Variants in VWC2 observed in about 807,000 individuals in gnomAD.
VWC2 encodes brorin.
Under a neutral mutation model 29.8 loss-of-function variants are expected in VWC2, and 14 were observed. The ratio of observed to expected loss-of-function variants is 0.47; its 90% CI spans 0.31 to 0.74. The LOEUF is 0.74. VWC2 is among the 30% of genes least tolerant of loss of function. The probability of loss-of-function intolerance (pLI) is 0.05; values close to 1 mark genes in which losing one functional copy is unlikely to be tolerated. For synonymous variants in VWC2, 213 were observed against 199.0 expected, an observed-to-expected ratio of 1.07 and a Z score of -0.59; for missense variants, 457 against 459.8, an observed-to-expected ratio of 0.99 and a Z score of 0.05.
At chr7:49,808,126 G>C (rs1788919638) in intron 3 of VWC2, among the ~76,000 whole-genome samples, 1 of 152,022 alleles carries the variant, frequency 6.6e-6, no homozygotes. Context: ...TAGAAAAAAA[G>C]AACTTCCTGT....
chr7:49,788,538 AGTGTAT>A (rs1361165426), intron 2 of VWC2, among the ~76,000 whole-genome samples: 4 of 139,500 alleles, frequency 2.9e-5, no homozygotes, highest in East Asian at 2.2e-4. Context: ...AGACAGTGTG[AGTGTAT>A]GTGTAAGTGT....
intron 3 of VWC2, among the ~76,000 whole-genome samples, chr7:49,861,084 C>G (rs771792004): frequency 6.6e-6 from 1 of 152,230 alleles, no homozygotes; most frequent in African/African-American, 2.4e-5. Flanking sequence ...GGTGTCTGCA[C>G]AGTTTTACAT....
Position 49,812,455 on chromosome 7 carries a change from G to T in VWC2, c.826+9615G>T, listed in dbSNP as rs138565056. Among the ~76,000 whole-genome samples the T allele has an allele frequency of 1.8e-3, 277 of 152,180 alleles. 2 individuals are homozygous for T. The highest frequency in any genetic ancestry group is 4.4e-3 in the African/African-American group (184 of 41,530). ...CCCAGAGACTGACTTTTCTAATCCT[G>T]GTCTGATGTCTTTAATAGCTTTATG... On this transcript the variant is annotated intron_variant, in intron 3 of 3. Transcript: ENST00000340652.
intron 3 of VWC2, among the ~76,000 whole-genome samples, chr7:49,813,520 A>G (rs1451255795): frequency 6.6e-6 from 1 of 152,150 alleles, no homozygotes; most frequent in Non-Finnish European, 1.5e-5. Flanking sequence ...TCACTTGTTC[A>G]TATTATTCTT....
chr7:49,867,409 A>C (rs1790943071), intron 3 of VWC2, among the ~76,000 whole-genome samples: 2 of 152,202 alleles, frequency 1.3e-5, no homozygotes, highest in Admixed American at 1.3e-4. Flanking sequence ...TGGAGGACGA[A>C]GTAAGGGAAG....
At chr7:49,885,802 C>A (rs921361347) in intron 3 of VWC2, among the ~76,000 whole-genome samples, 2 of 152,258 alleles carry the variant, frequency 1.3e-5, no homozygotes, top group African/African-American at 4.8e-5. Flanking sequence ...CCACTAGCAC[C>A]GGGGACGCAG....
chr7:49,853,283 T>C (rs1263259974), intron 3 of VWC2, among the ~76,000 whole-genome samples: 1 of 152,224 alleles, frequency 6.6e-6, no homozygotes, highest in Non-Finnish European at 1.5e-5. Flanking sequence ...TAGTCTCCCT[T>C]AGGAACCTGT....
chr7:49,825,456 T>C lies in VWC2; in HGVS notation c.826+22616T>C, dbSNP rs542405819. On this transcript the variant is annotated intron_variant, in intron 3 of 3. Transcript: ENST00000340652. ...TTTCTTCTGAGGATTGATGGTTTTC[T>C]GCTCCTGCCTGGAATCACAGTGTGG... Among the ~76,000 whole-genome samples, 31 of 152,364 alleles carry C rather than the reference T, an allele frequency of 2.0e-4. 1 individual carries two copies. In the South Asian group the frequency reaches 6.4e-3, roughly 32 times the overall value.
At chr7:49,868,973 T>C (rs1394734625) in intron 3 of VWC2, among the ~76,000 whole-genome samples, 1 of 152,230 alleles carries the variant, frequency 6.6e-6, no homozygotes, top group Admixed American at 6.5e-5. Flanking sequence ...GTCAAATATA[T>C]GTACAATTTT....
chr7:49,797,251 C>A (rs749028695), intron 2 of VWC2, among the ~76,000 whole-genome samples: 46 of 152,184 alleles, frequency 3.0e-4, no homozygotes, highest in Admixed American at 2.8e-3. Context: ...TTAGCTCGTA[C>A]TTTCTTTCTT....
At chr7:49,878,142 T>A (rs1181772808) in intron 3 of VWC2, among the ~76,000 whole-genome samples, 1 of 152,096 alleles carries the variant, frequency 6.6e-6, no homozygotes, top group East Asian at 1.9e-4. Flanking sequence ...ACCCACAGCC[T>A]GGGCCACACT....
At chr7:49,874,092 G>A (rs978319223) in intron 3 of VWC2, among the ~76,000 whole-genome samples, 6 of 151,978 alleles carry the variant, frequency 3.9e-5, no homozygotes, top group Non-Finnish European at 8.8e-5. Context: ...GAGTAAGGAC[G>A]GGACTGGAGT....
At chr7:49,842,893 T>C (rs1378315156) in intron 3 of VWC2, among the ~76,000 whole-genome samples, 1 of 152,172 alleles carries the variant, frequency 6.6e-6, no homozygotes, top group African/African-American at 2.4e-5. Flanking sequence ...CCGTTTCTGT[T>C]TTTTTTCCAA....
At chr7:49,805,808 C>G (rs1016787803) in intron 3 of VWC2, among the ~76,000 whole-genome samples, 2 of 152,150 alleles carry the variant, frequency 1.3e-5, no homozygotes, top group South Asian at 4.1e-4. Context: ...GGTTTTAACT[C>G]TTGATCTCCG....
At chr7:49,910,453 G>A (rs1793347652) in intron 3 of VWC2, among the ~76,000 whole-genome samples, 1 of 152,146 alleles carries the variant, frequency 6.6e-6, no homozygotes, top group Admixed American at 6.5e-5. Context: ...TGAGAATTTT[G>A]CAAACTGTTG....
rs796078228 is a variant in VWC2, at chr7:49,796,002, G to T, written c.697-6709G>T. Among the ~76,000 whole-genome samples, 104 of 152,254 alleles carry T rather than the reference G, an allele frequency of 6.8e-4. 1 individual carries two copies. Among genetic ancestry groups the T allele is most frequent in the African/African-American group, 2.3e-3 (97 of 41,560 alleles). On this transcript the variant is annotated intron_variant, in intron 2 of 3. Transcript: ENST00000340652. ...AGGGATTGGTAGAGGCAGATAGGGGGTAGGGGCCCCTATCTGGGAAGGGGG... is the reference window on the plus strand; with the variant it reads ...AGGGATTGGTAGAGGCAGATAGGGGTTAGGGGCCCCTATCTGGGAAGGGGG...
chr7:49,876,208 C>T (rs1461412014), intron 3 of VWC2, among the ~76,000 whole-genome samples: 2 of 152,106 alleles, frequency 1.3e-5, no homozygotes, highest in Non-Finnish European at 2.9e-5. Context: ...GGGTAAATCA[C>T]GTCCAGATAG....
At position 49,915,140 on chromosome 7, in the gene VWC2, G is replaced by A. The variant is rs566698440; in HGVS notation, c.*2955G>A. On this transcript the variant is annotated 3_prime_UTR_variant, in exon 4 of 4. Coordinates refer to ENST00000340652, the MANE Select transcript of VWC2 (RefSeq NM_198570.5). ...TGATAGGATATTTACTTGTTGGGTG[G>A]ATTAACAATACTTTTTATTGACATT... The A allele has an allele frequency of 6.6e-6, 1 of 152,240 alleles. No individual in the cohort carries two copies. Among genetic ancestry groups the A allele is most frequent in the East Asian group, 1.9e-4 (1 of 5,182 alleles). The allele number at this position is 152,240 out of a possible 1,614,324, so 9.4% of individuals were successfully genotyped here. A position where few individuals can be genotyped will look rare whatever the true frequency, so the allele number is the denominator to read the frequency against.
chr7:49,775,871 G>T lies in VWC2; in HGVS notation c.436G>T (p.Val146Leu). 1 of 1,557,480 alleles carries T rather than the reference G, an allele frequency of 6.4e-7. No homozygotes were observed. Among genetic ancestry groups the T allele is most frequent in the Non-Finnish European group, 8.7e-7 (1 of 1,151,460 alleles). The change falls in exon 2 of 4, where the codon GTG becomes TTG. Residue 146 changes from valine (V) to leucine (L), a missense_variant. Around this residue, in one of 2 missense-constraint regions of VWC2, gnomAD observed 185 missense variants for 257.1 expected, o/e 0.72. Coordinates refer to ENST00000340652, the MANE Select transcript of VWC2 (RefSeq NM_198570.5). ...CACGCCCGAGCCACCCGAGGAGTAC[G>T]TGTACCCGGACTACCGTGGCAAGGG... Reference protein sequence around the residue: ...APTPEPPEEYVYPDYRGKGCV... With the variant: ...APTPEPPEEYLYPDYRGKGCV...
Sources: gnomAD v4.1 joint callset for allele counts (sites outside exome capture counted in the v4.1 genomes callset) on GRCh38, gnomAD v4.1.1 for gene constraint, gnomAD v4.1.1 regional missense constraint, MANE v1.5 for transcripts, NCBI Gene and HGNC (gene_info 2026-07-23, HGNC 2026-07-21) for gene names.